Variants in FRAS1 observed in about 807,000 individuals in gnomAD.
FRAS1 encodes extracellular matrix organizing protein FRAS1.
A neutral mutation model predicts 435.2 loss-of-function variants in FRAS1; 290 were observed. The ratio of observed to expected loss-of-function variants is 0.67; its 90% CI spans 0.61 to 0.73. The LOEUF is 0.73. Ranked by LOEUF, FRAS1 falls within the 30% of genes least tolerant of loss-of-function variation. FRAS1 has a pLI of 0.00. For synonymous variants in FRAS1, 1,800 were observed against 1,851.0 expected, an observed-to-expected ratio of 0.97 and a Z score of 0.71; for missense variants, 4,860 against 5,001.5, an observed-to-expected ratio of 0.97 and a Z score of 0.85.
Position 78,245,338 on chromosome 4 carries a change from T to C in FRAS1, c.309+13T>C. ...GAAAATCCATGAGGTAAGTGTTTTC[T>C]GACTCACGGTTGATTCTGTGTCTGC... On this transcript the variant is annotated intron_variant, in intron 4 of 73. Transcript: ENST00000512123. The C allele has an allele frequency of 1.9e-6, 3 of 1,538,746 alleles. No individual in the cohort carries two copies. The highest frequency in any genetic ancestry group is 1.2e-5 in the South Asian group (1 of 85,956).
At position 78,434,918 on chromosome 4, in the gene FRAS1, C is replaced by T. The variant is rs571445643; in HGVS notation, c.5217+2314C>T. Among the ~76,000 whole-genome samples, 10 of 152,112 alleles carry T rather than the reference C, an allele frequency of 6.6e-5. No individual in the cohort carries two copies. In the South Asian group the frequency reaches 1.9e-3, roughly 28 times the overall value. On this transcript the variant is annotated intron_variant, in intron 38 of 73. Coordinates refer to ENST00000512123, the MANE Select transcript of FRAS1 (RefSeq NM_025074.7). ...AATAAATGAAAAGACATGCCATATT[C>T]ATGAGTAGGAACATTTAGTATTGAA...
chr4:78,443,904 A>G (rs544502233), intron 41 of FRAS1, among the ~76,000 whole-genome samples: 1 of 152,276 alleles, frequency 6.6e-6, no homozygotes, highest in Non-Finnish European at 1.5e-5. Flanking sequence ...GTCAGAGTGC[A>G]ATGGCATAAT....
chr4:78,541,319 A>G lies in FRAS1; in HGVS notation c.*195A>G, dbSNP rs2109912194. ...ACCACTGAGAACCCCAGAGTATTAC[A>G]GTTATTTCCGTAGATCCCTTTAATA... On this transcript the variant is annotated 3_prime_UTR_variant, in exon 74 of 74. Coordinates refer to ENST00000512123, the MANE Select transcript of FRAS1 (RefSeq NM_025074.7). 2.5e-6 allele frequency: 1 copy of G among 404,684 alleles called. No homozygotes were observed. The highest frequency in any genetic ancestry group is 3.5e-5 in the East Asian group (1 of 28,430). 25.1% of individuals were successfully genotyped at this position (404,684 alleles called of 1,614,324 possible). A position where few individuals can be genotyped will look rare whatever the true frequency, so the allele number is the denominator to read the frequency against.
Position 78,537,106 on chromosome 4 carries a change from C to T in FRAS1, c.11204C>T (p.Pro3735Leu). ...TGTACGGGCAAGGATGGTTATGTGC[C>T]TTTCTTTGATCCCACGGGGACAATC... ...YLCTGKDGYVPFFDPTGTIYN... is the reference protein window; with the variant it reads ...YLCTGKDGYVLFFDPTGTIYN... Residue 3735 changes from proline to leucine, a missense_variant, in exon 72 of 74, where the codon CCT (proline) becomes CTT (leucine). By Grantham distance (98) the Pro-to-Leu change is moderately conservative. Coordinates refer to ENST00000512123, the MANE Select transcript of FRAS1 (RefSeq NM_025074.7). The T allele has an allele frequency of 6.2e-7, 1 of 1,613,978 alleles. No individual in the cohort carries two copies. The highest frequency in any genetic ancestry group is 8.5e-7 in the Non-Finnish European group (1 of 1,179,890).
At chr4:78,242,892 C>CACA in intron 3 of FRAS1, among the ~76,000 whole-genome samples, 1 of 152,076 alleles carries the variant, frequency 6.6e-6, no homozygotes, top group African/African-American at 2.4e-5. Flanking sequence ...AATCACAGGT[C>CACA]GTGGATTCTA....
intron 2 of FRAS1, among the ~76,000 whole-genome samples, chr4:78,176,170 A>G (rs893901744): frequency 6.6e-6 from 1 of 152,216 alleles, no homozygotes; most frequent in East Asian, 1.9e-4. Flanking sequence ...TTCCTATTAT[A>G]TGTGAGATAG....
At chr4:78,220,037 G>A (rs1723984226) in intron 2 of FRAS1, among the ~76,000 whole-genome samples, 1 of 152,186 alleles carries the variant, frequency 6.6e-6, no homozygotes, top group South Asian at 2.1e-4. Context: ...TCAAGAGTCA[G>A]AGGGCAGTAG....
At chr4:78,103,915 G>A (rs763959556) in intron 2 of FRAS1, among the ~76,000 whole-genome samples, 3 of 152,210 alleles carry the variant, frequency 2.0e-5, no homozygotes, top group Non-Finnish European at 2.9e-5. Context: ...TTGCAAATCA[G>A]TAGTGCTGGT....
chr4:78,273,660 A>G (rs1312319547), intron 9 of FRAS1, among the ~76,000 whole-genome samples: 1 of 152,208 alleles, frequency 6.6e-6, no homozygotes, highest in East Asian at 1.9e-4. Flanking sequence ...CCCAGGGATG[A>G]AGCCCACTTG....
At chr4:78,116,472 T>C (rs1387863546) in intron 2 of FRAS1, among the ~76,000 whole-genome samples, 1 of 152,216 alleles carries the variant, frequency 6.6e-6, no homozygotes, top group African/African-American at 2.4e-5. Flanking sequence ...TCTAAGTCTC[T>C]TTGTAGGTCT....
intron 9 of FRAS1, among the ~76,000 whole-genome samples, chr4:78,272,679 T>G (rs1271023628): frequency 6.6e-6 from 1 of 152,214 alleles, no homozygotes; most frequent in Non-Finnish European, 1.5e-5. Context: ...ATATCTCTGT[T>G]TTGGTACCAG....
rs868336919 is a variant in FRAS1 at position 78,442,416 on chromosome 4, G to A, written c.5665+1119G>A. On this transcript the variant is annotated intron_variant, in intron 41 of 73. Coordinates refer to ENST00000512123, the MANE Select transcript of FRAS1 (RefSeq NM_025074.7). ...GGACAAAGCAATGGCTTTTGCCTGG[G>A]AAGGCAGAAAAGTCTGAGAAAGTGG... 2.6e-5 allele frequency among the ~76,000 whole-genome samples: 4 copies of A among 152,342 alleles called. 1 individual carries two copies. The highest frequency in any genetic ancestry group is 9.6e-5 in the African/African-American group (4 of 41,580).
At chr4:78,222,077 C>A (rs1370457532) in intron 2 of FRAS1, among the ~76,000 whole-genome samples, 1 of 152,010 alleles carries the variant, frequency 6.6e-6, no homozygotes, top group Non-Finnish European at 1.5e-5. Context: ...AGCTCTGCCC[C>A]CCTGGAGCTC....
intron 70 of FRAS1, among the ~76,000 whole-genome samples, chr4:78,532,844 G>T (rs1377643025): frequency 8.4e-6 from 1 of 119,124 alleles, no homozygotes; most frequent in Non-Finnish European, 1.8e-5. Flanking sequence ...CTATTTAATT[G>T]TGTGTATATA....
At chr4:78,479,828 C>G in intron 56 of FRAS1, 110 bp downstream of exon 56, 1 of 802,848 alleles carries the variant, frequency 1.2e-6, no homozygotes, top group Non-Finnish European at 1.9e-6. Flanking sequence ...TGCCATTCCT[C>G]AGGGATACCA....
In FRAS1 at chr4:78,271,286, A is replaced by G. The variant is rs930185451; in HGVS notation, c.981+3854A>G. On this transcript the variant is annotated intron_variant, in intron 9 of 73. Coordinates refer to ENST00000512123, the MANE Select transcript of FRAS1 (RefSeq NM_025074.7). The stretch of plus-strand genomic sequence containing the variant: ...GAAACATTACCATTCTTTTTTTTTT[A>G]TCACAAACATTTTCAATTGTTTTCT... Among the ~76,000 whole-genome samples the G allele has an allele frequency of 1.3e-5, 2 of 148,462 alleles. 1 individual carries two copies. Among genetic ancestry groups the G allele is most frequent in the Non-Finnish European group, 3.0e-5 (2 of 67,074 alleles).
At chr4:78,347,926 TC>T (rs1730670167) in intron 20 of FRAS1, among the ~76,000 whole-genome samples, 1 of 152,114 alleles carries the variant, frequency 6.6e-6, no homozygotes, top group Non-Finnish European at 1.5e-5. Flanking sequence ...TGAACTGTTT[TC>T]TTTTGTGGAG....
chr4:78,529,886 T>C lies in FRAS1; in HGVS notation c.10925+3229T>C, dbSNP rs557703213. On this transcript the variant is annotated intron_variant, in intron 70 of 73. Transcript: ENST00000512123. Reference sequence around the variant, plus strand: ...TATTTCTGGAATTTTTTGTTTAATATTTTTGGACTATGGTAGGTCTTAGGT... The same window carrying C: ...TATTTCTGGAATTTTTTGTTTAATACTTTTGGACTATGGTAGGTCTTAGGT... 3.9e-5 allele frequency among the ~76,000 whole-genome samples: 6 copies of C among 152,282 alleles called. No homozygotes were observed. In the South Asian group the frequency reaches 1.2e-3, roughly 32 times the overall value.
intron 23 of FRAS1, among the ~76,000 whole-genome samples, chr4:78,370,903 T>C (rs1731476549): frequency 6.6e-6 from 1 of 152,106 alleles, no homozygotes; most frequent in South Asian, 2.1e-4. Context: ...TCCACATTTC[T>C]CTCTATCCCT....
Sources: gnomAD v4.1 joint callset for allele counts (sites outside exome capture counted in the v4.1 genomes callset) on GRCh38, gnomAD v4.1.1 for gene constraint, MANE v1.5 for transcripts, NCBI Gene and HGNC (gene_info 2026-07-23, HGNC 2026-07-21) for gene names.